Variants in RASGEF1B observed in about 807,000 individuals in gnomAD.
The protein encoded by RASGEF1B is RasGEF domain family member 1B.
In RASGEF1B, 30 loss-of-function variants were observed where a neutral mutation model predicts 65.7. The observed-to-expected ratio is 0.46, with a 90% confidence interval of 0.34 to 0.62. The LOEUF (loss-of-function observed/expected upper bound fraction) is 0.62, where lower values mean the gene tolerates loss of function less well. Ranked by LOEUF, RASGEF1B falls within the 20% of genes least tolerant of loss-of-function variation. RASGEF1B has a pLI of 0.01. For missense variants in RASGEF1B, 495 were observed against 580.1 expected, an observed-to-expected ratio of 0.85 and a Z score of 1.51; for synonymous variants, 175 against 194.8, an observed-to-expected ratio of 0.90 and a Z score of 0.85.
At chr4:81,450,476 G>A (rs1975508) in intron 4 of RASGEF1B, among the ~76,000 whole-genome samples, 35,729 of 151,966 alleles carry the variant, frequency 0.24, 6,312 homozygotes, top group African/African-American at 0.5. Flanking sequence ...AGCGATTCTC[G>A]TGCCTCAGCC....
In RASGEF1B at chr4:81,467,468, G is replaced by C. The variant is rs527796523; in HGVS notation, c.-7+4302C>G. ...CTCTTCTATGAAATAAATCTTTACT[G>C]TGTGGGAACTGAACCCAGGACATAT... On this transcript the variant is annotated intron_variant, in intron 1 of 13. Coordinates refer to ENST00000264400, the MANE Select transcript of RASGEF1B (RefSeq NM_152545.3). Among the ~76,000 whole-genome samples, 15 of 152,264 alleles carry C rather than the reference G, an allele frequency of 9.9e-5. No individual in the cohort carries two copies. The East Asian group carries it at 2.9e-3, about 29-fold the overall frequency.
At chr4:81,448,328 G>A in intron 4 of RASGEF1B, 44 bp from the exon 5 acceptor site, 1 of 1,529,396 alleles carries the variant, frequency 6.5e-7, no homozygotes, top group Non-Finnish European at 9.0e-7. Context: ...TGCGTGTCTG[G>A]TTTTGCCACT....
At chr4:81,436,557 T>C (rs1280537081) in intron 10 of RASGEF1B, among the ~76,000 whole-genome samples, 5 of 152,136 alleles carry the variant, frequency 3.3e-5, no homozygotes, top group Non-Finnish European at 7.4e-5. Context: ...AAGGCTCACA[T>C]ACAGTAATTT....
intron 2 of RASGEF1B, among the ~76,000 whole-genome samples, chr4:81,458,733 A>G (rs1055712999): frequency 6.6e-6 from 1 of 152,168 alleles, no homozygotes; most frequent in African/African-American, 2.4e-5. Flanking sequence ...CAAATACTCA[A>G]CACTCTGAAT....
chr4:81,449,318 C>T (rs938173227), intron 4 of RASGEF1B, among the ~76,000 whole-genome samples: 1 of 152,192 alleles, frequency 6.6e-6, no homozygotes, highest in Non-Finnish European at 1.5e-5. Context: ...CTTCATTATG[C>T]TACAGCCTCA....
At chr4:81,457,732 A>C (rs1722500264) in intron 2 of RASGEF1B, 111 bp from the exon 3 acceptor site, 2 of 1,188,994 alleles carry the variant, frequency 1.7e-6, no homozygotes. Flanking sequence ...CATATGCTGC[A>C]GTTTCAAAAG....
rs1722266930 is a variant in RASGEF1B, at chr4:81,451,683, A to G, written c.439-3399T>C. On this transcript the variant is annotated intron_variant, in intron 4 of 13. Coordinates refer to ENST00000264400, the MANE Select transcript of RASGEF1B (RefSeq NM_152545.3). Reference sequence around the variant, plus strand: ...TATATTAAAAATAAAATGTTTTAAAATTTTCCCACAGAATGGGATTTTTTG... The same window carrying G: ...TATATTAAAAATAAAATGTTTTAAAGTTTTCCCACAGAATGGGATTTTTTG... 4 of 152,190 alleles carry G rather than the reference A, an allele frequency of 2.6e-5. No individual in the cohort carries two copies. The South Asian group carries it at 8.3e-4, about 31-fold the overall frequency. The allele number at this position is 152,190 out of a possible 1,614,324, so 9.4% of individuals were successfully genotyped here. A position where few individuals can be genotyped will look rare whatever the true frequency, so the allele number is the denominator to read the frequency against.
chr4:81,466,567 G>A (rs1722815177), intron 1 of RASGEF1B, among the ~76,000 whole-genome samples: 1 of 151,902 alleles, frequency 6.6e-6, no homozygotes, highest in African/African-American at 2.4e-5. Context: ...AGACCATCCT[G>A]GCTAACACGG....
intron 4 of RASGEF1B, among the ~76,000 whole-genome samples, chr4:81,449,646 G>A (rs957912667): frequency 2.0e-5 from 3 of 152,166 alleles, no homozygotes; most frequent in Admixed American, 6.5e-5. Context: ...AAAGGCCTAT[G>A]TTTATGGCTC....
At chr4:81,455,729 G>C (rs980533593) in intron 4 of RASGEF1B, 1 of 152,178 alleles carries the variant, frequency 6.6e-6, no homozygotes, top group Non-Finnish European at 1.5e-5. Flanking sequence ...ATTTGTCACA[G>C]CTAGTAGTTA....
In RASGEF1B at chr4:81,462,788, T is replaced by A. The variant is rs569846273; in HGVS notation, c.-6-3274A>T. On this transcript the variant is annotated intron_variant, in intron 1 of 13. Transcript: ENST00000264400. Reference sequence around the variant, plus strand: ...GAATCCCCATTCCAGGTCTCTCTTATGACATCCGTGATGCAGAGGGCTCTG... The same window carrying A: ...GAATCCCCATTCCAGGTCTCTCTTAAGACATCCGTGATGCAGAGGGCTCTG... Among the ~76,000 whole-genome samples the A allele has an allele frequency of 5.9e-5, 9 of 152,356 alleles. No homozygotes were observed. In the East Asian group the frequency reaches 9.6e-4, roughly 16 times the overall value.
intron 4 of RASGEF1B, among the ~76,000 whole-genome samples, chr4:81,448,789 C>T (rs1722139751): frequency 6.6e-6 from 1 of 152,008 alleles, no homozygotes; most frequent in Non-Finnish European, 1.5e-5. Flanking sequence ...CCAACTCACC[C>T]CCTCGAACCA....
intron 10 of RASGEF1B, among the ~76,000 whole-genome samples, chr4:81,435,689 A>G (rs1177015754): frequency 7.0e-6 from 1 of 142,576 alleles, no homozygotes; most frequent in Non-Finnish European, 1.5e-5. Context: ...GTTAGCCAGG[A>G]TGGTCTCGAT....
At chr4:81,434,783 C>T (rs1269406458) in intron 10 of RASGEF1B, 49 bp from the exon 11 acceptor site, 2 of 920,982 alleles carry the variant, frequency 2.2e-6, no homozygotes, top group South Asian at 1.4e-5. Flanking sequence ...AAATATTTAG[C>T]CTTTCATAAA....
At chr4:81,440,085 G>A (rs1375768855) in intron 10 of RASGEF1B, among the ~76,000 whole-genome samples, 1 of 152,068 alleles carries the variant, frequency 6.6e-6, no homozygotes, top group Non-Finnish European at 1.5e-5. Flanking sequence ...AAAGACAGAT[G>A]GAATCTAAAC....
intron 8 of RASGEF1B, among the ~76,000 whole-genome samples, chr4:81,444,935 C>A (rs1272499499): frequency 1.3e-5 from 2 of 152,132 alleles, no homozygotes; most frequent in Non-Finnish European, 2.9e-5. Flanking sequence ...GAGCTACTAT[C>A]AAAAGCTATT....
chr4:81,429,951 G>C (rs1349679573), intron 13 of RASGEF1B, among the ~76,000 whole-genome samples: 1 of 152,220 alleles, frequency 6.6e-6, no homozygotes, highest in Non-Finnish European at 1.5e-5. Flanking sequence ...GGGCCACTGA[G>C]TGGCCCCACT....
intron 10 of RASGEF1B, among the ~76,000 whole-genome samples, chr4:81,438,077 C>T (rs1721695969): frequency 6.6e-6 from 1 of 152,162 alleles, no homozygotes; most frequent in South Asian, 2.1e-4. Flanking sequence ...CAGTTCCACA[C>T]CTAGAAATGA....
chr4:81,448,061 G>A lies in RASGEF1B; in HGVS notation c.654+8C>T, dbSNP rs181853740. 24 of 1,611,506 alleles carry A rather than the reference G, an allele frequency of 1.5e-5. No homozygotes were observed. In the East Asian group the frequency reaches 3.3e-4, roughly 22 times the overall value. ...GGTTGTAAAGGGCAATGATGATAAC[G>A]GCCTTACCAGCTCTATATGAGTCAG... On this transcript the variant is annotated splice_region_variant and intron_variant, in intron 5 of 13. Transcript: ENST00000264400.
Sources: allele counts gnomAD v4.1 joint callset (sites outside exome capture counted in the v4.1 genomes callset), GRCh38; gene constraint gnomAD v4.1.1; transcripts MANE v1.5; gene names NCBI Gene and HGNC (gene_info 2026-07-23, HGNC 2026-07-21).